SPIRE2: variants seen among roughly 807,000 people sequenced by gnomAD.
SPIRE2 encodes spire type actin nucleation factor 2, also known as protein spire homolog 2.
In SPIRE2, 76 loss-of-function variants were observed where a neutral mutation model predicts 80.7. The observed-to-expected ratio is 0.94, with a 90% CI of 0.78 to 1.14. The LOEUF is 1.14. SPIRE2 is among the 50% of genes most tolerant of loss of function. The probability of loss-of-function intolerance (pLI) is 0.00; values close to 1 mark genes in which losing one functional copy is unlikely to be tolerated. For synonymous variants in SPIRE2, 535 were observed against 432.6 expected (o/e 1.24, Z -2.94); for missense variants, 1,196 against 1,015.3 (o/e 1.18, Z -2.42).
chr16:89,857,189 T>C (rs1391463996), intron 7 of SPIRE2, among the ~76,000 whole-genome samples: 1 of 148,518 alleles, frequency 6.7e-6, no homozygotes, highest in East Asian at 2.0e-4. Context: ...CCGGCTGTAG[T>C]GCAGTGGCAC....
chr16:89,831,806 C>T (rs2041386427), intron 1 of SPIRE2, among the ~76,000 whole-genome samples: 1 of 151,244 alleles, frequency 6.6e-6, no homozygotes, highest in Non-Finnish European at 1.5e-5. Context: ...CCCCTTCTGC[C>T]CGGCTCTCAG....
chr16:89,852,121 A>G (rs1333204485), intron 3 of SPIRE2, among the ~76,000 whole-genome samples: 16 of 38,610 alleles, frequency 4.1e-4, no homozygotes, highest in South Asian at 1.7e-3. Flanking sequence ...CCCATGGCCC[A>G]TCTTCCATCC....
chr16:89,860,480 C>G lies in SPIRE2; in HGVS notation c.1463-203C>G, dbSNP rs565678966. Among the ~76,000 whole-genome samples, 47 of 152,126 alleles carry G rather than the reference C, an allele frequency of 3.1e-4. 1 individual carries two copies. The South Asian group carries it at 9.5e-3, about 31-fold the overall frequency. On this transcript the variant is annotated intron_variant, in intron 9 of 14. Transcript: ENST00000378247. ...CTCGCTACGTTGCCCAGGGTGGTCT[C>G]AAGCTCCTAGGCTCAAGGTTCCACC...
rs1300891953 is a variant in SPIRE2, at chr16:89,855,692, G to A, written c.978+6G>A. 8 of 1,612,546 alleles carry A rather than the reference G, an allele frequency of 5.0e-6. No individual in the cohort carries two copies. Among genetic ancestry groups the A allele is most frequent in the Non-Finnish European group, 5.9e-6 (7 of 1,179,824 alleles). ...CACGGCCTCCACTGAAGCAGGTGCTGCCCCAGCCTCCTCCTCCTCAGGGGC... is the reference window on the plus strand; with the variant it reads ...CACGGCCTCCACTGAAGCAGGTGCTACCCCAGCCTCCTCCTCCTCAGGGGC... On this transcript the variant is annotated splice_donor_region_variant and intron_variant, in intron 6 of 14. Transcript: ENST00000378247.
rs1437215111 is a variant in SPIRE2 at position 89,871,161 on chromosome 16, G to C, written c.*889G>C. The C allele has an allele frequency of 6.6e-6, 1 of 152,378 alleles. No homozygotes were observed. The highest frequency in any genetic ancestry group is 1.9e-4 in the East Asian group (1 of 5,192). 9.4% of individuals were successfully genotyped at this position (152,378 alleles called of 1,614,324 possible). ...TTTCCCTGGGGTCCAAACCACATGTGTCCTGCCTCTCCTGGCCCTACCACA... is the reference window on the plus strand; with the variant it reads ...TTTCCCTGGGGTCCAAACCACATGTCTCCTGCCTCTCCTGGCCCTACCACA... On this transcript the variant is annotated 3_prime_UTR_variant, in exon 15 of 15. Transcript: ENST00000378247.
chr16:89,868,300 T>G, intron 13 of SPIRE2, 84 bp downstream of exon 13: 1 of 1,357,752 alleles, frequency 7.4e-7, no homozygotes. Context: ...TGGATGATGC[T>G]GCCTCACCAG....
intron 12 of SPIRE2, among the ~76,000 whole-genome samples, chr16:89,867,856 A>G (rs901652363): frequency 6.6e-6 from 1 of 152,192 alleles, no homozygotes; most frequent in Non-Finnish European, 1.5e-5. Flanking sequence ...AAGTGCTGGG[A>G]TTACAGGCGT....
intron 1 of SPIRE2, among the ~76,000 whole-genome samples, chr16:89,838,164 A>ATT (rs34507409): frequency 8.5e-4 from 74 of 87,500 alleles, no homozygotes; most frequent in Non-Finnish European, 1.1e-3. Context: ...CACGCTCAGC[A>ATT]TTTTTTTTTT....
At position 89,868,204 on chromosome 16, in the gene SPIRE2, C is replaced by G. The variant is rs770022294; in HGVS notation, c.1794C>G (p.Ser598=). ...TCCCTTCCAGAGCCGTCTGCACTTC[C>G]TGTAGCATAAAGGTGAGGACCATGT... is the stretch of plus-strand genomic sequence containing the variant. ...CLFCKRAVCT[S]CSIKMKMPSK... Residue 598 remains serine, a synonymous_variant, in exon 13 of 15, where the codon TCC becomes TCG. Transcript: ENST00000378247. 3 of 1,613,948 alleles carry G rather than the reference C, an allele frequency of 1.9e-6. No homozygotes were observed. Among genetic ancestry groups the G allele is most frequent in the Non-Finnish European group, 2.5e-6 (3 of 1,179,996 alleles).
At position 89,854,601 on chromosome 16, in the gene SPIRE2, A is replaced by G. The variant is rs1440468853; in HGVS notation, c.841A>G (p.Met281Val). 1 of 1,602,310 alleles carries G rather than the reference A, an allele frequency of 6.2e-7. No individual in the cohort carries two copies. The change falls in exon 5 of 15, where the codon ATG becomes GTG. Residue 281 changes from methionine to valine, a missense_variant. Met to Val is a conservative substitution (Grantham distance 21, BLOSUM62 1). Coordinates refer to ENST00000378247, the MANE Select transcript of SPIRE2 (RefSeq NM_032451.2). ...CGAGTTCCAGCTCACGCCCTTCGAG[A>G]TGCTGATGCAGGACATCCGGGCCCG... ...PTEFQLTPFEMLMQDIRARNY... is the reference protein window; with the variant it reads ...PTEFQLTPFEVLMQDIRARNY...
intron 1 of SPIRE2, among the ~76,000 whole-genome samples, chr16:89,840,345 G>A (rs1219505553): frequency 1.3e-5 from 2 of 151,126 alleles, no homozygotes; most frequent in South Asian, 2.1e-4. Context: ...CACCTCCCGG[G>A]TTCACATCAT....
In SPIRE2 at chr16:89,869,559, T is replaced by C. The variant is rs774885798; in HGVS notation, c.1807-8T>C. On this transcript the variant is annotated splice_region_variant and splice_polypyrimidine_tract_variant and intron_variant, in intron 13 of 14. Transcript: ENST00000378247. ...GCCTGGTTCATACCTCCTCCCTCTG[T>C]GCTGCAGATGAAGATGCCTTCTAAG... 3.8e-6 allele frequency: 6 copies of C among 1,586,998 alleles called. No homozygotes were observed. The highest frequency in any genetic ancestry group is 5.2e-6 in the Non-Finnish European group (6 of 1,155,612).
chr16:89,851,464 G>A (rs1260508707), intron 3 of SPIRE2, among the ~76,000 whole-genome samples: 2 of 152,188 alleles, frequency 1.3e-5, no homozygotes, highest in African/African-American at 4.8e-5. Context: ...CCTTACAGGT[G>A]GAGGGGTCAC....
chr16:89,856,881 T>C (rs2041696115), intron 7 of SPIRE2, among the ~76,000 whole-genome samples: 2 of 151,806 alleles, frequency 1.3e-5, no homozygotes, highest in African/African-American at 4.8e-5. Context: ...GGCAATATAG[T>C]GAGACCTCAT....
At chr16:89,854,243 A>T in intron 3 of SPIRE2, 43 bp from the exon 4 acceptor site, 1 of 1,587,774 alleles carries the variant, frequency 6.3e-7, no homozygotes, top group Non-Finnish European at 8.6e-7. Flanking sequence ...TGCATCTGCC[A>T]TTCTCGTACC....
intron 13 of SPIRE2, among the ~76,000 whole-genome samples, chr16:89,869,309 G>T (rs1364978478): frequency 6.6e-6 from 1 of 151,682 alleles, no homozygotes. Flanking sequence ...AACGTGGCAG[G>T]TCCCGCATGG....
chr16:89,870,265 T>TC lies in SPIRE2; in HGVS notation c.2139dup (p.Lys714GlnfsTer21), dbSNP rs1480508551. ...ATCCCTAACACCAGGACTCTTGACT[T>TC]CAAGTGACAGCCCCAGGTGGCCAGG... On this transcript the variant is annotated frameshift_variant, in exon 15 of 15. Coordinates refer to ENST00000378247, the MANE Select transcript of SPIRE2 (RefSeq NM_032451.2). LOFTEE classifies it high-confidence loss of function. The TC allele has an allele frequency of 6.3e-7, 1 of 1,591,210 alleles. No homozygotes were observed. The highest frequency in any genetic ancestry group is 2.3e-5 in the East Asian group (1 of 44,210).
In SPIRE2 at chr16:89,854,336, A is replaced by G; in HGVS notation, c.696A>G (p.Ala232=). ...EDEPHLETPR[A]ELDSLGHTDW... ...AGCCGCATCTGGAGACGCCTCGGGC[A>G]GAGCTGGACAGCCTGGGTCACACAG... Residue 232 remains alanine, a synonymous_variant, in exon 4 of 15, where the codon GCA becomes GCG. Transcript: ENST00000378247. 6.2e-7 allele frequency: 1 copy of G among 1,612,602 alleles called. No individual in the cohort carries two copies. The highest frequency in any genetic ancestry group is 8.5e-7 in the Non-Finnish European group (1 of 1,179,876).
chr16:89,856,663 T>G (rs2041694951), intron 7 of SPIRE2, among the ~76,000 whole-genome samples: 1 of 149,940 alleles, frequency 6.7e-6, no homozygotes, highest in African/African-American at 2.5e-5. Flanking sequence ...TTTCACCATA[T>G]TGGCCAGACT....
Sources: gnomAD v4.1 joint callset for allele counts (sites outside exome capture counted in the v4.1 genomes callset) on GRCh38, gnomAD v4.1.1 for gene constraint, MANE v1.5 for transcripts, NCBI Gene and HGNC (gene_info 2026-07-23, HGNC 2026-07-21) for gene names.